ANKS1B: variants seen among roughly 807,000 people sequenced by gnomAD.
ANKS1B encodes the protein ankyrin repeat and sterile alpha motif domain containing 1B, also known as ankyrin repeat and sterile alpha motif domain-containing protein 1B.
Under a neutral mutation model 148.3 loss-of-function variants are expected in ANKS1B, and 36 were observed. The observed-to-expected ratio is 0.24, with a 90% CI of 0.19 to 0.32. ANKS1B has a LOEUF of 0.32. ANKS1B is among the 10% of genes least tolerant of loss of function. ANKS1B has a pLI of 1.00. For missense variants in ANKS1B, 1,157 were observed against 1,542.6 expected, an observed-to-expected ratio of 0.75 and a Z score of 4.19; for synonymous variants, 542 against 560.8, an observed-to-expected ratio of 0.97 and a Z score of 0.47.
At chr12:99,097,665 T>G (rs1002819478) in intron 15 of ANKS1B, among the ~76,000 whole-genome samples, 2 of 152,168 alleles carry the variant, frequency 1.3e-5, no homozygotes, top group African/African-American at 2.4e-5. Context: ...GTAATAGAGT[T>G]GTGTTTGTCT....
At chr12:99,600,207 G>T (rs2097789809) in intron 9 of ANKS1B, among the ~76,000 whole-genome samples, 1 of 151,948 alleles carries the variant, frequency 6.6e-6, no homozygotes, top group Non-Finnish European at 1.5e-5. Flanking sequence ...CAGGGTCCTG[G>T]TGCTAGGGAC....
chr12:99,283,919 T>C (rs182922114), intron 12 of ANKS1B, among the ~76,000 whole-genome samples: 3 of 152,288 alleles, frequency 2.0e-5, no homozygotes, highest in Non-Finnish European at 4.4e-5. Context: ...TGAATACTTA[T>C]TGAAAGAATA....
At chr12:99,064,116 C>A (rs1248054255) in intron 16 of ANKS1B, among the ~76,000 whole-genome samples, 6 of 152,064 alleles carry the variant, frequency 3.9e-5, no homozygotes, top group Non-Finnish European at 8.8e-5. Flanking sequence ...TTGAAGACTC[C>A]CAGCTGTAGG....
At chr12:99,364,576 C>T (rs1268087498) in intron 12 of ANKS1B, among the ~76,000 whole-genome samples, 7 of 152,202 alleles carry the variant, frequency 4.6e-5, no homozygotes, top group African/African-American at 1.4e-4. Flanking sequence ...GACACTGCAT[C>T]ATCTATCATG....
chr12:99,462,721 G>A (rs1170514525), intron 10 of ANKS1B, among the ~76,000 whole-genome samples: 6 of 152,166 alleles, frequency 3.9e-5, no homozygotes, highest in Non-Finnish European at 5.9e-5. Context: ...GTTGAAATGT[G>A]TTCCCCACTG....
At chr12:99,187,426 A>G (rs1353524698) in intron 14 of ANKS1B, among the ~76,000 whole-genome samples, 1 of 152,184 alleles carries the variant, frequency 6.6e-6, no homozygotes. Context: ...AAAAAATGTT[A>G]AGGGCAGCCA....
At chr12:98,997,608 G>C (rs1219910759) in intron 17 of ANKS1B, among the ~76,000 whole-genome samples, 1 of 152,020 alleles carries the variant, frequency 6.6e-6, no homozygotes, top group Non-Finnish European at 1.5e-5. Context: ...GGCCAGGATG[G>C]TCTCGATCTC....
At chr12:98,914,632 C>A (rs1388383104) in intron 17 of ANKS1B, among the ~76,000 whole-genome samples, 1 of 152,172 alleles carries the variant, frequency 6.6e-6, no homozygotes, top group Non-Finnish European at 1.5e-5. Context: ...CTCCAGCTCA[C>A]TGGCCTCCCT....
At chr12:99,374,844 T>A (rs1317080400) in intron 12 of ANKS1B, among the ~76,000 whole-genome samples, 1 of 152,210 alleles carries the variant, frequency 6.6e-6, no homozygotes, top group Non-Finnish European at 1.5e-5. Context: ...TTATTTTATT[T>A]TTTTACCTAA....
chr12:99,732,276 TA>T (rs1253331760), intron 8 of ANKS1B, among the ~76,000 whole-genome samples: 7 of 152,114 alleles, frequency 4.6e-5, no homozygotes, highest in Non-Finnish European at 8.8e-5. Context: ...AGACATAACA[TA>T]CAGTGCAGTA....
chr12:98,847,418 T>C (rs7312679), intron 17 of ANKS1B, among the ~76,000 whole-genome samples: 16,152 of 152,230 alleles, frequency 0.11, 2,750 homozygotes, highest in African/African-American at 0.36. Flanking sequence ...GGTTCATCCA[T>C]ATTGTTGCAA....
chr12:99,315,022 A>G (rs1784709097), intron 12 of ANKS1B, among the ~76,000 whole-genome samples: 1 of 151,884 alleles, frequency 6.6e-6, no homozygotes, highest in Admixed American at 6.6e-5. Flanking sequence ...AGGCGGGTGG[A>G]TCATGAGGTC....
chr12:99,772,805 A>G, intron 8 of ANKS1B, 117 bp downstream of exon 8: 1 of 1,088,568 alleles, frequency 9.2e-7, no homozygotes, highest in South Asian at 2.3e-5. Flanking sequence ...GCAATAAGGA[A>G]ACTGACATCT....
At chr12:99,465,671 C>A (rs962342646) in intron 10 of ANKS1B, among the ~76,000 whole-genome samples, 1 of 151,954 alleles carries the variant, frequency 6.6e-6, no homozygotes, top group African/African-American at 2.4e-5. Context: ...GACTTTAAAC[C>A]AACAAAGATC....
intron 22 of ANKS1B, chr12:98,794,955 G>C: frequency 8.4e-7 from 1 of 1,191,934 alleles, no homozygotes. Flanking sequence ...ATGTGGACAT[G>C]GAAGATGCTT....
intron 1 of ANKS1B, among the ~76,000 whole-genome samples, chr12:99,897,402 T>C (rs2093423083): frequency 6.6e-6 from 1 of 151,226 alleles, no homozygotes; most frequent in Non-Finnish European, 1.5e-5. Flanking sequence ...ACTAGCAAAT[T>C]TGAGCAATGT....
chr12:98,856,181 C>T (rs780938492), intron 17 of ANKS1B, among the ~76,000 whole-genome samples: 1 of 152,236 alleles, frequency 6.6e-6, no homozygotes, highest in South Asian at 2.1e-4. Context: ...CCTGCTACAT[C>T]ATGGTTTAGT....
At chr12:99,346,915 A>T (rs1417545726) in intron 12 of ANKS1B, among the ~76,000 whole-genome samples, 2 of 151,922 alleles carry the variant, frequency 1.3e-5, no homozygotes, top group African/African-American at 4.8e-5. Flanking sequence ...GGGCCACTGT[A>T]ACCCAGTGGA....
chr12:99,246,357 T>C lies in ANKS1B; in HGVS notation c.2264A>G (p.Asn755Ser). 6.2e-7 allele frequency: 1 copy of C among 1,613,756 alleles called. No homozygotes were observed. The highest frequency in any genetic ancestry group is 1.3e-5 in the African/African-American group (1 of 75,048). ...TTCAGCAGTGGAAGATTCACTCCAGTTAACTCTTGATGTTTTCTCATTGGA... is the reference window on the plus strand; with the variant it reads ...TTCAGCAGTGGAAGATTCACTCCAGCTAACTCTTGATGTTTTCTCATTGGA... ...YPSNEKTSRV[N>S]WSESSTAEHS... Residue 755 changes from asparagine (N) to serine (S), a missense_variant, in exon 13 of 27, where the codon AAC becomes AGC. Transcript: ENST00000683438.
Sources: gnomAD v4.1 joint callset for allele counts (sites outside exome capture counted in the v4.1 genomes callset) on GRCh38, gnomAD v4.1.1 for gene constraint, MANE v1.5 for transcripts, NCBI Gene and HGNC (gene_info 2026-07-23, HGNC 2026-07-21) for gene names.